CSMD2: variants seen among roughly 807,000 people sequenced by gnomAD.
CSMD2 encodes the protein CUB and sushi domain-containing protein 2.
CSMD2 carries 130 observed loss-of-function variants against 398.5 expected under a neutral mutation model. The observed-to-expected ratio is 0.33, with a 90% CI of 0.28 to 0.38. The LOEUF (loss-of-function observed/expected upper bound fraction) is 0.38, where lower values mean the gene tolerates loss of function less well. Ranked by LOEUF, CSMD2 falls within the 10% of genes least tolerant of loss-of-function variation. The pLI is 1.00. For missense variants in CSMD2, 3,829 were observed against 4,764.9 expected (o/e 0.80, Z 5.78); for synonymous variants, 1,828 against 1,908.5 (o/e 0.96, Z 1.10).
intron 10 of CSMD2, among the ~76,000 whole-genome samples, chr1:33,796,884 A>G (rs144732822): frequency 0.015 from 2,322 of 152,254 alleles, 31 homozygotes; most frequent in Non-Finnish European, 0.023. Flanking sequence ...AGGTCTATAA[A>G]TGGCCGCTCT....
At chr1:34,041,701 G>A (rs570243981) in intron 2 of CSMD2, among the ~76,000 whole-genome samples, 3 of 152,246 alleles carry the variant, frequency 2.0e-5, no homozygotes, top group Admixed American at 6.5e-5. Flanking sequence ...GGCACGTATA[G>A]TCTGGGGTCC....
At chr1:34,086,476 T>C (rs1213736503) in intron 2 of CSMD2, among the ~76,000 whole-genome samples, 1 of 152,236 alleles carries the variant, frequency 6.6e-6, no homozygotes, top group Non-Finnish European at 1.5e-5. Flanking sequence ...AAACTGAATC[T>C]TAACTTCCAG....
At chr1:33,773,734 G>A (rs2149331844) in intron 12 of CSMD2, among the ~76,000 whole-genome samples, 1 of 152,316 alleles carries the variant, frequency 6.6e-6, no homozygotes, top group East Asian at 1.9e-4. Flanking sequence ...GGATAGACAG[G>A]AGGTCATGAA....
At chr1:33,907,576 A>G (rs1474334617) in intron 5 of CSMD2, among the ~76,000 whole-genome samples, 1 of 152,062 alleles carries the variant, frequency 6.6e-6, no homozygotes, top group East Asian at 1.9e-4. Flanking sequence ...AGAAATTCCC[A>G]GGGATGCTAG....
At chr1:33,917,454 C>T (rs1643783551) in intron 5 of CSMD2, among the ~76,000 whole-genome samples, 1 of 152,206 alleles carries the variant, frequency 6.6e-6, no homozygotes, top group Non-Finnish European at 1.5e-5. Context: ...AATTTGAGCA[C>T]ATCCTGCAAG....
At chr1:33,788,492 AG>A in intron 12 of CSMD2, 107 bp downstream of exon 12, 1 of 639,218 alleles carries the variant, frequency 1.6e-6, no homozygotes, top group Non-Finnish European at 2.7e-6. Context: ...TGGGCAACAG[AG>A]TGAGACTCCG....
chr1:33,700,681 C>G lies in CSMD2; in HGVS notation c.3577-8G>C. ...GTTGTTGCCATCATAAACCTGGACA[C>G]AGGAGAGACCCCCAACCCAATGTCG... On this transcript the variant is annotated splice_region_variant and splice_polypyrimidine_tract_variant and intron_variant, in intron 22 of 70. Coordinates refer to ENST00000373381, the MANE Select transcript of CSMD2 (RefSeq NM_001281956.2). 1 of 1,614,074 alleles carries G rather than the reference C, an allele frequency of 6.2e-7. No individual in the cohort carries two copies. Among genetic ancestry groups the G allele is most frequent in the Admixed American group, 1.7e-5 (1 of 60,024 alleles).
chr1:33,819,873 G>C, intron 8 of CSMD2, 36 bp from the exon 9 acceptor site: 1 of 1,611,734 alleles, frequency 6.2e-7, no homozygotes, highest in South Asian at 1.1e-5. Flanking sequence ...CTCCATCCCT[G>C]GGCCTGCCAA....
Position 33,633,359 on chromosome 1 carries a change from C to G in CSMD2, c.5200+63G>C, listed in dbSNP as rs604782. The G allele has an allele frequency of 0.12, 153,999 of 1,272,338 alleles. 10,836 individuals carry two copies. The highest frequency in any genetic ancestry group is 0.29 in the East Asian group (11,340 of 39,630). The allele number at this position is 1,272,338 out of a possible 1,614,324, so 78.8% of individuals were successfully genotyped here. A position where few individuals can be genotyped will look rare whatever the true frequency, so the allele number is the denominator to read the frequency against. On this transcript the variant is annotated intron_variant, in intron 32 of 70. Coordinates refer to ENST00000373381, the MANE Select transcript of CSMD2 (RefSeq NM_001281956.2). This position sits in a 1 kb window ranked among gnomAD's most constrained non-coding sequence, Gnocchi z 5.0. ...CATGGGGTGCTTCTAGAGCCTCCTT[C>G]CTTTAGCCGGACGTGATGCCCCCGG... is the stretch of plus-strand genomic sequence containing the variant.
chr1:33,528,208 T>C (rs1421465165), intron 64 of CSMD2, among the ~76,000 whole-genome samples: 2 of 152,232 alleles, frequency 1.3e-5, no homozygotes, highest in East Asian at 3.8e-4. Context: ...CCTTGACTAG[T>C]AACTTCACCA....
chr1:33,951,176 C>T (rs1033155798), intron 3 of CSMD2, among the ~76,000 whole-genome samples: 9 of 152,220 alleles, frequency 5.9e-5, no homozygotes, highest in South Asian at 2.1e-4. Flanking sequence ...AGAGAGGCTG[C>T]GGAAGCCAGC....
chr1:33,804,896 C>A, intron 10 of CSMD2: 1 of 717,348 alleles, frequency 1.4e-6, no homozygotes, highest in South Asian at 1.5e-5. Context: ...GGTCTCCTCC[C>A]GCCTGGATCA....
At chr1:33,919,017 T>C (rs1643863085) in intron 4 of CSMD2, among the ~76,000 whole-genome samples, 2 of 152,144 alleles carry the variant, frequency 1.3e-5, no homozygotes, top group South Asian at 4.1e-4. Flanking sequence ...AACTTGCATT[T>C]TAGAAAGAAC....
At chr1:33,865,278 T>C (rs945481725) in intron 5 of CSMD2, among the ~76,000 whole-genome samples, 4 of 151,362 alleles carry the variant, frequency 2.6e-5, no homozygotes, top group Admixed American at 6.6e-5. Context: ...ATATGGCATC[T>C]GAGTTGAGAC....
At chr1:33,543,739 G>C (rs1656584916) in intron 57 of CSMD2, among the ~76,000 whole-genome samples, 1 of 152,168 alleles carries the variant, frequency 6.6e-6, no homozygotes, top group African/African-American at 2.4e-5. Flanking sequence ...GAGTTCTTTA[G>C]GAAAGACATT....
At chr1:33,989,822 G>C (rs914392944) in intron 3 of CSMD2, among the ~76,000 whole-genome samples, 2 of 152,158 alleles carry the variant, frequency 1.3e-5, no homozygotes, top group African/African-American at 2.4e-5. Flanking sequence ...AAGCAGATCA[G>C]TTACCTGCGG....
chr1:33,520,092 G>A (rs1177951498), intron 68 of CSMD2, 142 bp from the exon 69 acceptor site: 5 of 975,150 alleles, frequency 5.1e-6, no homozygotes, highest in Non-Finnish European at 6.1e-6. Context: ...GGAGGCAGGT[G>A]TGCCCAGGGC....
intron 41 of CSMD2, among the ~76,000 whole-genome samples, chr1:33,609,773 T>C (rs894043896): frequency 6.6e-6 from 1 of 152,010 alleles, no homozygotes; most frequent in Admixed American, 6.6e-5. Context: ...GGAATACATA[T>C]TGAATTGTTG....
At chr1:34,033,016 G>A (rs1011860570) in intron 2 of CSMD2, among the ~76,000 whole-genome samples, 11 of 152,118 alleles carry the variant, frequency 7.2e-5, no homozygotes, top group African/African-American at 2.7e-4. Context: ...GAGGTCCTGT[G>A]AGGCTCTGGG....
Sources: allele counts gnomAD v4.1 joint callset (sites outside exome capture counted in the v4.1 genomes callset), GRCh38; gene constraint gnomAD v4.1.1; non-coding constraint Gnocchi (gnomAD v3.1); transcripts MANE v1.5; gene names NCBI Gene and HGNC (gene_info 2026-07-23, HGNC 2026-07-21).